The following DST variants were observed in gnomAD, a reference collection of about 807,000 sequenced individuals.
DST encodes bullous pemphigoid antigen.
DST carries 253 observed loss-of-function variants against 875.2 expected under a neutral mutation model. That is an observed-to-expected ratio of 0.29 (90% CI 0.26 to 0.32). The LOEUF is 0.32. DST is among the 10% of genes least tolerant of loss of function. The pLI, the probability that DST is intolerant of heterozygous loss-of-function variation, is 1.00. For missense variants in DST, 8,287 were observed against 9,111.6 expected (o/e 0.91, Z 3.68); for synonymous variants, 3,124 against 3,197.1 (o/e 0.98, Z 0.77).
At chr6:56,675,710 G>T (rs2099125087) in intron 9 of DST, among the ~76,000 whole-genome samples, 1 of 152,006 alleles carries the variant, frequency 6.6e-6, no homozygotes, top group Non-Finnish European at 1.5e-5. Flanking sequence ...ACATTAGCTG[G>T]GCATGGTGGC....
At chr6:56,813,581 G>A (rs943293839) in intron 4 of DST, among the ~76,000 whole-genome samples, 7 of 151,864 alleles carry the variant, frequency 4.6e-5, no homozygotes, top group Admixed American at 1.3e-4. Flanking sequence ...AATAAAACAC[G>A]TATAAATAAT....
At chr6:56,629,577 T>G (rs1385349594) in intron 31 of DST, 134 bp from the exon 32 acceptor site, 2 of 704,036 alleles carry the variant, frequency 2.8e-6, no homozygotes, top group African/African-American at 3.6e-5. Context: ...ATCTTTCATA[T>G]GCACAATATT....
At chr6:56,516,328 C>A (rs983699881) in intron 71 of DST, among the ~76,000 whole-genome samples, 1 of 152,018 alleles carries the variant, frequency 6.6e-6, no homozygotes, top group Non-Finnish European at 1.5e-5. Context: ...GAAGATAAAG[C>A]ACAATCATAA....
chr6:56,577,597 T>C (rs6459164), intron 50 of DST, among the ~76,000 whole-genome samples: 151,076 of 152,304 alleles, frequency 0.99, 74,932 homozygotes, highest in East Asian at 1. Context: ...GATTTCCCTT[T>C]TACACAGTGA....
In DST at chr6:56,791,099, C is replaced by T. The variant is rs371965633; in HGVS notation, c.626-55810G>A. Among the ~76,000 whole-genome samples the T allele has an allele frequency of 2.1e-4, 32 of 152,312 alleles. No individual in the cohort carries two copies. In the East Asian group the frequency reaches 5.4e-3, roughly 26 times the overall value. ...TGATGCCAGAAGCTACCTTTTAGAT[C>T]CATGCTACTATGTATCCTTACACGA... On this transcript the variant is annotated intron_variant, in intron 4 of 103. Coordinates refer to ENST00000680361, the MANE Select transcript of DST (RefSeq NM_001374736.1).
intron 36 of DST, chr6:56,615,374 G>A: frequency 6.6e-7 from 1 of 1,517,582 alleles, no homozygotes. Context: ...TCTATTTTGA[G>A]CACTTAGCAA....
chr6:56,832,834 G>A (rs1265384446), intron 4 of DST, among the ~76,000 whole-genome samples: 1 of 152,128 alleles, frequency 6.6e-6, no homozygotes, highest in African/African-American at 2.4e-5. Flanking sequence ...CGGCCTCCCA[G>A]GTTCAAGTGA....
At chr6:56,835,127 T>C (rs2099792045) in intron 4 of DST, among the ~76,000 whole-genome samples, 2 of 152,178 alleles carry the variant, frequency 1.3e-5, no homozygotes, top group African/African-American at 2.4e-5. Context: ...CTATATGACA[T>C]TCTGTAAAAA....
intron 4 of DST, among the ~76,000 whole-genome samples, chr6:56,794,603 G>A (rs2099736591): frequency 6.6e-6 from 1 of 152,170 alleles, no homozygotes; most frequent in Non-Finnish European, 1.5e-5. Context: ...CATGAAAGCT[G>A]GGGTGGGGTG....
chr6:56,877,579 A>G (rs1190620530), intron 3 of DST, among the ~76,000 whole-genome samples: 1 of 152,200 alleles, frequency 6.6e-6, no homozygotes, highest in African/African-American at 2.4e-5. Flanking sequence ...AAATAAATTT[A>G]GTTATTTGTT....
In DST at chr6:56,572,205, T is replaced by C; in HGVS notation, c.13616A>G (p.Lys4539Arg). ...KHLEVLHSLL[K>R]EISSHGLPSD... ...TGGTAAGCCATGGCTGGATATCTCCTTCAAGAGACTATGCAAAACTTCAAG... is the reference window on the plus strand; with the variant it reads ...TGGTAAGCCATGGCTGGATATCTCCCTCAAGAGACTATGCAAAACTTCAAG... Residue 4539 changes from lysine (K) to arginine (R), a missense_variant, in exon 53 of 104, where the codon AAG becomes AGG. Coordinates refer to ENST00000680361, the MANE Select transcript of DST (RefSeq NM_001374736.1). 6.3e-7 allele frequency: 1 copy of C among 1,575,688 alleles called. No individual in the cohort carries two copies. Among genetic ancestry groups the C allele is most frequent in the Non-Finnish European group, 8.6e-7 (1 of 1,159,856 alleles).
chr6:56,780,624 T>C lies in DST; in HGVS notation c.626-45335A>G, dbSNP rs1288059922. Among the ~76,000 whole-genome samples, 5 of 152,104 alleles carry C rather than the reference T, an allele frequency of 3.3e-5. No homozygotes were observed. In the South Asian group the frequency reaches 6.2e-4, roughly 19 times the overall value. ...GGAGTTCATTGTAGATTCTGGATAT[T>C]AGCCCTTTGTCAGATGAGTAGGTTG... On this transcript the variant is annotated intron_variant, in intron 4 of 103. Transcript: ENST00000680361.
At chr6:56,771,135 T>C (rs1004976688) in intron 4 of DST, among the ~76,000 whole-genome samples, 2 of 151,054 alleles carry the variant, frequency 1.3e-5, no homozygotes, top group African/African-American at 4.9e-5. Context: ...AGCTACCACA[T>C]CCCAAAATAA....
In DST at chr6:56,592,374, G is replaced by C. The variant is rs1235115878; in HGVS notation, c.12727-16C>G. 1.9e-6 allele frequency: 3 copies of C among 1,570,106 alleles called. No individual in the cohort carries two copies. The highest frequency in any genetic ancestry group is 2.6e-6 in the Non-Finnish European group (3 of 1,153,838). On this transcript the variant is annotated splice_polypyrimidine_tract_variant and intron_variant, in intron 48 of 103. Transcript: ENST00000680361. ...GAACATTGCACTAACAATCAAAAGA[G>C]AAAAGGGGTAGGAGATTAAAACCCA...
intron 4 of DST, among the ~76,000 whole-genome samples, chr6:56,756,715 A>G (rs1212068944): frequency 1.3e-5 from 2 of 152,192 alleles, no homozygotes; most frequent in African/African-American, 4.8e-5. Context: ...AGACTGTTCG[A>G]TTTGCCACAT....
At chr6:56,772,905 T>G (rs1302773415) in intron 4 of DST, among the ~76,000 whole-genome samples, 1 of 152,160 alleles carries the variant, frequency 6.6e-6, no homozygotes, top group East Asian at 1.9e-4. Flanking sequence ...CTTCCAAGAT[T>G]GCATTATAAA....
At chr6:56,921,676 GTGTATA>G (rs916131078) in intron 2 of DST, among the ~76,000 whole-genome samples, 27 of 152,136 alleles carry the variant, frequency 1.8e-4, no homozygotes, top group African/African-American at 5.8e-4. Flanking sequence ...ATTAGAATAG[GTGTATA>G]TGTATATGTA....
chr6:56,600,028 T>TAA, intron 45 of DST, 41 bp downstream of exon 45: 1 of 1,546,276 alleles, frequency 6.5e-7, no homozygotes, highest in Non-Finnish European at 8.8e-7. Flanking sequence ...TAATCGAACA[T>TAA]AACATCAACA....
At chr6:56,840,001 G>A (rs1052832011) in intron 4 of DST, among the ~76,000 whole-genome samples, 6 of 152,000 alleles carry the variant, frequency 3.9e-5, no homozygotes, top group Non-Finnish European at 7.4e-5. Context: ...TAGGTACAAC[G>A]GATTTACTTC....
Sources: allele counts gnomAD v4.1 joint callset (sites outside exome capture counted in the v4.1 genomes callset), GRCh38; gene constraint gnomAD v4.1.1; transcripts MANE v1.5; gene names NCBI Gene and HGNC (gene_info 2026-07-23, HGNC 2026-07-21).